The following NT5DC1 variants were observed in gnomAD, a reference collection of about 807,000 sequenced individuals.
The protein encoded by NT5DC1 is 5'-nucleotidase domain containing 1.
NT5DC1 carries 42 observed loss-of-function variants against 59.4 expected under a neutral mutation model. The ratio of observed to expected loss-of-function variants is 0.71; its 90% confidence interval spans 0.55 to 0.92. The LOEUF (loss-of-function observed/expected upper bound fraction) is 0.92, where lower values mean the gene tolerates loss of function less well. Ranked by LOEUF, NT5DC1 falls within the 40% of genes least tolerant of loss-of-function variation. The pLI, the probability that NT5DC1 is intolerant of heterozygous loss-of-function variation, is 0.00. For synonymous variants in NT5DC1, 172 were observed against 188.1 expected, an observed-to-expected ratio of 0.91 and a Z score of 0.70; for missense variants, 501 against 537.1, an observed-to-expected ratio of 0.93 and a Z score of 0.66.
rs762743318 is a variant in NT5DC1 at position 116,121,134 on chromosome 6, C to A, written c.529+3189C>A. On this transcript the variant is annotated intron_variant, in intron 6 of 11. Transcript: ENST00000319550. Reference sequence around the variant, plus strand: ...AGACCTGGCTTCCCAGGAAGACCTGCTGGCCCTTGTTCCCCTTTGGCACCT... The same window carrying A: ...AGACCTGGCTTCCCAGGAAGACCTGATGGCCCTTGTTCCCCTTTGGCACCT... The A allele has an allele frequency of 6.2e-7, 1 of 1,613,538 alleles. No homozygotes were observed.
chr6:116,146,645 AGTTAT>A (rs1312153282), intron 6 of NT5DC1, among the ~76,000 whole-genome samples: 2 of 152,370 alleles, frequency 1.3e-5, no homozygotes, highest in Admixed American at 6.5e-5. Flanking sequence ...AGTTTCCTAT[AGTTAT>A]GTTATAACTT....
chr6:116,128,099 A>G (rs867312202), intron 6 of NT5DC1, among the ~76,000 whole-genome samples: 8 of 152,280 alleles, frequency 5.3e-5, no homozygotes, highest in Middle Eastern at 3.4e-3. Context: ...AATCCATACC[A>G]GGAGGTTGTA....
At chr6:116,138,324 A>T (rs569452557) in intron 6 of NT5DC1, among the ~76,000 whole-genome samples, 10 of 152,202 alleles carry the variant, frequency 6.6e-5, no homozygotes, top group Non-Finnish European at 1.3e-4. Flanking sequence ...TTTAGGATTT[A>T]TGAGAAACAG....
intron 8 of NT5DC1, among the ~76,000 whole-genome samples, chr6:116,229,974 A>C (rs551730763): frequency 1.2e-3 from 183 of 152,292 alleles, no homozygotes; most frequent in Non-Finnish European, 2.0e-3. Flanking sequence ...TAGAAACCAA[A>C]AACAACCAAA....
chr6:116,134,850 A>G lies in NT5DC1; in HGVS notation c.529+16905A>G, dbSNP rs1232383019. Among the ~76,000 whole-genome samples, 7 of 152,302 alleles carry G rather than the reference A, an allele frequency of 4.6e-5. No individual in the cohort carries two copies. In the East Asian group the frequency reaches 1.3e-3, roughly 29 times the overall value. ...CAGTTTTTCTGAAAGTAGGCATGGT[A>G]GGAGGATATAGATGTAAGAGGGTAG... is the stretch of plus-strand genomic sequence containing the variant. On this transcript the variant is annotated intron_variant, in intron 6 of 11. Coordinates refer to ENST00000319550, the MANE Select transcript of NT5DC1 (RefSeq NM_152729.3).
At chr6:116,233,275 G>A (rs1172592547) in intron 8 of NT5DC1, among the ~76,000 whole-genome samples, 2 of 152,178 alleles carry the variant, frequency 1.3e-5, no homozygotes, top group African/African-American at 2.4e-5. Context: ...TTTTATCAGT[G>A]AATTTGAGGG....
chr6:116,221,390 C>T (rs928735280), intron 7 of NT5DC1, among the ~76,000 whole-genome samples, 162 bp downstream of exon 7: 4 of 152,320 alleles, frequency 2.6e-5, no homozygotes, highest in African/African-American at 9.6e-5. Context: ...TCTCTGCTGA[C>T]AGCAGCCCAA....
intron 4 of NT5DC1, among the ~76,000 whole-genome samples, chr6:116,114,773 T>C (rs1461249816): frequency 2.0e-5 from 3 of 152,088 alleles, no homozygotes; most frequent in African/African-American, 7.2e-5. Flanking sequence ...CTGGACTCCA[T>C]TGGGACTTCC....
chr6:116,220,330 GT>G (rs1381454995), intron 6 of NT5DC1, among the ~76,000 whole-genome samples: 1 of 151,964 alleles, frequency 6.6e-6, no homozygotes, highest in African/African-American at 2.4e-5. Context: ...AGCACTATGG[GT>G]AAGTCTGGTC....
chr6:116,174,512 A>G (rs1780689239), intron 6 of NT5DC1, among the ~76,000 whole-genome samples: 2 of 152,224 alleles, frequency 1.3e-5, no homozygotes, highest in Non-Finnish European at 2.9e-5. Flanking sequence ...TGAATATAAA[A>G]TTTAGAGTGC....
Position 116,247,279 on chromosome 6 carries a change from T to G in NT5DC1, c.*3255T>G, listed in dbSNP as rs1233677196. 2 of 152,152 alleles carry G rather than the reference T, an allele frequency of 1.3e-5. No homozygotes were observed. The highest frequency in any genetic ancestry group is 1.3e-4 in the Admixed American group (2 of 15,276). The allele number at this position is 152,152 out of a possible 1,614,324, so 9.4% of individuals were successfully genotyped here. A position where few individuals can be genotyped will look rare whatever the true frequency, so the allele number is the denominator to read the frequency against. ...TAATTCATAATTTAGCCAAATATAT[T>G]AAATATCTGTAATATAAAACTTACC... On this transcript the variant is annotated 3_prime_UTR_variant, in exon 12 of 12. Coordinates refer to ENST00000319550, the MANE Select transcript of NT5DC1 (RefSeq NM_152729.3).
chr6:116,224,252 G>T (rs1202221324), intron 8 of NT5DC1, among the ~76,000 whole-genome samples: 3 of 152,270 alleles, frequency 2.0e-5, no homozygotes, highest in Admixed American at 1.3e-4. Flanking sequence ...TTTGAACTTT[G>T]CTATTCAAAA....
At chr6:116,110,638 C>T (rs565510777) in intron 3 of NT5DC1, 7 of 642,048 alleles carry the variant, frequency 1.1e-5, no homozygotes, top group African/African-American at 5.4e-5. Flanking sequence ...TCCTAATCAC[C>T]TGCTACTTGA....
chr6:116,242,804 C>T (rs563206711), intron 11 of NT5DC1, among the ~76,000 whole-genome samples: 10 of 152,234 alleles, frequency 6.6e-5, no homozygotes, highest in Non-Finnish European at 1.5e-4. Context: ...GAGGAGACAA[C>T]CAGCAGAGTC....
intron 1 of NT5DC1, among the ~76,000 whole-genome samples, chr6:116,104,993 C>G (rs187977129): frequency 1.6e-4 from 24 of 152,158 alleles, no homozygotes; most frequent in Admixed American, 1.1e-3. Flanking sequence ...TGAATCACCA[C>G]CAGGGTTAAG....
At chr6:116,119,189 C>A (rs570854651) in intron 6 of NT5DC1, 1 of 152,750 alleles carries the variant, frequency 6.5e-6, no homozygotes, top group African/African-American at 2.4e-5. Context: ...TTGAAACCCT[C>A]AGTGTAAATT....
chr6:116,152,323 C>T (rs1264506609), intron 6 of NT5DC1, among the ~76,000 whole-genome samples: 3 of 152,154 alleles, frequency 2.0e-5, no homozygotes, highest in East Asian at 1.9e-4. Flanking sequence ...TTCAACTTAT[C>T]GTACCATTTA....
Position 116,246,994 on chromosome 6 carries a change from AT to A in NT5DC1, c.*2972del, listed in dbSNP as rs1771861410. 6.6e-6 allele frequency: 1 copy of A among 152,200 alleles called. No individual in the cohort carries two copies. Among genetic ancestry groups the A allele is most frequent in the African/African-American group, 2.4e-5 (1 of 41,456 alleles). The allele number at this position is 152,200 out of a possible 1,614,324, so 9.4% of individuals were successfully genotyped here. ...CATATGAGATGTATATAATTATTAA[AT>A]TGTACAGATGGGAAAATTGAAATTC... On this transcript the variant is annotated 3_prime_UTR_variant, in exon 12 of 12. Transcript: ENST00000319550.
chr6:116,169,161 T>C (rs1345202720), intron 6 of NT5DC1, among the ~76,000 whole-genome samples: 1 of 151,238 alleles, frequency 6.6e-6, no homozygotes, highest in Non-Finnish European at 1.5e-5. Context: ...AAGCTCAGCT[T>C]TCTGGGTTTC....
Sources: gnomAD v4.1 joint callset for allele counts (sites outside exome capture counted in the v4.1 genomes callset) on GRCh38, gnomAD v4.1.1 for gene constraint, MANE v1.5 for transcripts, NCBI Gene and HGNC (gene_info 2026-07-23, HGNC 2026-07-21) for gene names.